CNTN5: variants seen among roughly 807,000 people sequenced by gnomAD.
The protein encoded by CNTN5 is contactin-5.
Under a neutral mutation model 129.1 loss-of-function variants are expected in CNTN5, and 77 were observed. The ratio of observed to expected loss-of-function variants is 0.60; its 90% CI spans 0.50 to 0.72. The LOEUF is 0.72. Among genes scored for constraint, CNTN5 ranks in the 30% least tolerant of loss-of-function variants. The pLI is 0.00. For synonymous variants in CNTN5, 509 were observed against 465.6 expected (o/e 1.09, Z -1.20); for missense variants, 1,478 against 1,328.8 (o/e 1.11, Z -1.75).
At chr11:99,828,553 A>G (rs1024219621) in intron 4 of CNTN5, among the ~76,000 whole-genome samples, 2 of 152,222 alleles carry the variant, frequency 1.3e-5, no homozygotes, top group African/African-American at 4.8e-5. Context: ...AACTTTTAAT[A>G]TAAATTTTAA....
At chr11:100,161,483 T>C (rs1481088054) in intron 13 of CNTN5, among the ~76,000 whole-genome samples, 1 of 151,920 alleles carries the variant, frequency 6.6e-6, no homozygotes, top group Non-Finnish European at 1.5e-5. Context: ...TAGAGTATAC[T>C]GAAAGATATT....
chr11:99,875,168 CT>C (rs1273905650), intron 6 of CNTN5, among the ~76,000 whole-genome samples: 1 of 152,134 alleles, frequency 6.6e-6, no homozygotes, highest in Non-Finnish European at 1.5e-5. Flanking sequence ...CACTGAAAAT[CT>C]TTGTTCTAAC....
At chr11:99,951,112 T>C (rs1229004432) in intron 7 of CNTN5, among the ~76,000 whole-genome samples, 1 of 152,146 alleles carries the variant, frequency 6.6e-6, no homozygotes, top group African/African-American at 2.4e-5. Context: ...ATTAAATAGC[T>C]TTCCTAAAGG....
chr11:100,090,103 C>T (rs1944699836), intron 13 of CNTN5, among the ~76,000 whole-genome samples: 1 of 151,992 alleles, frequency 6.6e-6, no homozygotes, highest in African/African-American at 2.4e-5. Context: ...AAACAAAAAC[C>T]ATATGATCTT....
At chr11:99,694,772 T>C (rs981561573) in intron 3 of CNTN5, among the ~76,000 whole-genome samples, 1 of 151,956 alleles carries the variant, frequency 6.6e-6, no homozygotes, top group Non-Finnish European at 1.5e-5. Flanking sequence ...GAACATGCGG[T>C]GTTTGGTTTT....
chr11:99,501,379 G>C (rs1946421588), intron 2 of CNTN5, among the ~76,000 whole-genome samples: 1 of 152,134 alleles, frequency 6.6e-6, no homozygotes, highest in African/African-American at 2.4e-5. Flanking sequence ...ATTCAGAATA[G>C]GTTTAAATAA....
chr11:99,382,732 T>C (rs1442004039), intron 2 of CNTN5, among the ~76,000 whole-genome samples: 1 of 152,022 alleles, frequency 6.6e-6, no homozygotes, highest in Non-Finnish European at 1.5e-5. Context: ...TTTAATGTTT[T>C]CTTATGGGAG....
At chr11:99,122,456 A>G (rs1858391824) in intron 1 of CNTN5, among the ~76,000 whole-genome samples, 2 of 152,058 alleles carry the variant, frequency 1.3e-5, no homozygotes, top group South Asian at 2.1e-4. Context: ...TCTAAATACT[A>G]TATTTATTTA....
intron 2 of CNTN5, among the ~76,000 whole-genome samples, chr11:99,471,793 T>G (rs1308545778): frequency 6.6e-6 from 1 of 152,096 alleles, no homozygotes; most frequent in Non-Finnish European, 1.5e-5. Flanking sequence ...TAGTAACCAC[T>G]CTGTAATTAT....
intron 6 of CNTN5, among the ~76,000 whole-genome samples, chr11:99,848,561 A>G (rs775421000): frequency 6.6e-6 from 1 of 152,164 alleles, no homozygotes; most frequent in Non-Finnish European, 1.5e-5. Context: ...AATTTATTAA[A>G]TGTTTTAAAA....
intron 3 of CNTN5, among the ~76,000 whole-genome samples, chr11:99,709,917 T>C (rs1954903364): frequency 6.6e-6 from 1 of 151,886 alleles, no homozygotes; most frequent in Admixed American, 6.6e-5. Context: ...AAGTTGATTT[T>C]TATTTGGTGT....
chr11:100,048,161 C>T (rs1942786623), intron 9 of CNTN5, among the ~76,000 whole-genome samples: 1 of 152,002 alleles, frequency 6.6e-6, no homozygotes, highest in African/African-American at 2.4e-5. Flanking sequence ...GTTGAATTTG[C>T]ACTCTTTTCT....
In CNTN5 at chr11:100,356,559, C is replaced by A; in HGVS notation, c.*339C>A. 4.4e-6 allele frequency: 1 copy of A among 225,856 alleles called. No individual in the cohort carries two copies. The allele number at this position is 225,856 out of a possible 1,614,324, so 14.0% of individuals were successfully genotyped here. On this transcript the variant is annotated 3_prime_UTR_variant, in exon 25 of 25. Coordinates refer to ENST00000524871, the MANE Select transcript of CNTN5 (RefSeq NM_014361.4). Reference sequence around the variant, plus strand: ...ATATCTGATGACTCCGAGTGTGTGCCATCCATTTGTTAAGTAACTGGCCTT... The same window carrying A: ...ATATCTGATGACTCCGAGTGTGTGCAATCCATTTGTTAAGTAACTGGCCTT...
chr11:99,972,808 A>G (rs181921603), intron 8 of CNTN5, among the ~76,000 whole-genome samples: 1 of 152,274 alleles, frequency 6.6e-6, no homozygotes, highest in Admixed American at 6.5e-5. Context: ...GAACGAGACC[A>G]GTTATGATCT....
rs201877158 is a variant in CNTN5 at position 99,205,179 on chromosome 11, A to AC, written c.-209-120167_-209-120166insC. The stretch of plus-strand genomic sequence containing the variant: ...ACTCAATAAGCAAACAAACAAACAA[A>AC]AAAAACTCCAAGAAACCACTGTAAA... On this transcript the variant is annotated intron_variant, in intron 1 of 24. Coordinates refer to ENST00000524871, the MANE Select transcript of CNTN5 (RefSeq NM_014361.4). Among the ~76,000 whole-genome samples the AC allele has an allele frequency of 2.4e-3, 349 of 142,986 alleles. 2 individuals carry two copies. The highest frequency in any genetic ancestry group is 8.3e-3 in the African/African-American group (321 of 38,812). 93.8% of individuals were successfully genotyped at this position (142,986 alleles called of 152,430 possible). A position where few individuals can be genotyped will look rare whatever the true frequency, so the allele number is the denominator to read the frequency against.
At chr11:99,661,468 A>G (rs1470599664) in intron 3 of CNTN5, among the ~76,000 whole-genome samples, 2 of 152,118 alleles carry the variant, frequency 1.3e-5, no homozygotes, top group Admixed American at 6.6e-5. Context: ...CAATCACTTA[A>G]TAATGGGTTA....
chr11:100,200,269 G>A (rs1247624712), intron 15 of CNTN5, among the ~76,000 whole-genome samples: 1 of 151,848 alleles, frequency 6.6e-6, no homozygotes, highest in African/African-American at 2.4e-5. Context: ...AAAATGTGAA[G>A]TGCGTCTCTT....
intron 18 of CNTN5, among the ~76,000 whole-genome samples, chr11:100,277,413 T>A (rs1164656699): frequency 6.6e-6 from 1 of 152,146 alleles, no homozygotes; most frequent in Non-Finnish European, 1.5e-5. Context: ...TTCTCCGTAG[T>A]GTTGTACTAA....
intron 7 of CNTN5, among the ~76,000 whole-genome samples, chr11:99,951,168 CTG>C (rs1192380525): frequency 6.6e-6 from 1 of 151,640 alleles, no homozygotes; most frequent in Non-Finnish European, 1.5e-5. Flanking sequence ...TGCCTGGTCT[CTG>C]TGATTTTGAA....
Sources: gnomAD v4.1 joint callset for allele counts (sites outside exome capture counted in the v4.1 genomes callset) on GRCh38, gnomAD v4.1.1 for gene constraint, MANE v1.5 for transcripts, NCBI Gene and HGNC (gene_info 2026-07-23, HGNC 2026-07-21) for gene names.